GRID2: variants seen among roughly 807,000 people sequenced by gnomAD.
GRID2 encodes glutamate receptor ionotropic, delta-2.
GRID2 carries 33 observed loss-of-function variants against 114.8 expected under a neutral mutation model. The observed-to-expected ratio is 0.29, with a 90% CI of 0.22 to 0.38. The LOEUF (loss-of-function observed/expected upper bound fraction) is 0.38. GRID2 is among the 10% of genes least tolerant of loss of function. GRID2 has a pLI of 1.00. For synonymous variants in GRID2, 505 were observed against 449.9 expected (o/e 1.12, Z -1.55); for missense variants, 1,184 against 1,257.7 (o/e 0.94, Z 0.89).
At chr4:93,311,783 T>C (rs1423713284) in intron 8 of GRID2, among the ~76,000 whole-genome samples, 5 of 152,196 alleles carry the variant, frequency 3.3e-5, no homozygotes, top group Non-Finnish European at 7.3e-5. Flanking sequence ...GGCCAAATGA[T>C]GCTTTGTGTT....
intron 2 of GRID2, among the ~76,000 whole-genome samples, chr4:92,632,487 G>C (rs1188460916): frequency 6.6e-6 from 1 of 151,978 alleles, no homozygotes; most frequent in African/African-American, 2.4e-5. Flanking sequence ...ACAAAAATGA[G>C]CTGGTCATAG....
intron 6 of GRID2, among the ~76,000 whole-genome samples, chr4:93,219,646 T>C (rs776043789): frequency 2.0e-5 from 3 of 152,172 alleles, no homozygotes; most frequent in Non-Finnish European, 4.4e-5. Context: ...GTCCAAAGAC[T>C]GAAACCCAGG....
At chr4:92,835,772 T>C (rs1742409846) in intron 2 of GRID2, among the ~76,000 whole-genome samples, 2 of 152,148 alleles carry the variant, frequency 1.3e-5, no homozygotes, top group Admixed American at 6.6e-5. Flanking sequence ...CATATAAACC[T>C]TAAAAAATTG....
At chr4:92,596,869 A>G (rs951381735) in intron 2 of GRID2, among the ~76,000 whole-genome samples, 1 of 152,080 alleles carries the variant, frequency 6.6e-6, no homozygotes, top group Admixed American at 6.6e-5. Flanking sequence ...AATGGGAGAT[A>G]ACCAAAAAAC....
intron 14 of GRID2, among the ~76,000 whole-genome samples, chr4:93,663,515 T>A (rs1228886728): frequency 1.3e-5 from 2 of 152,060 alleles, no homozygotes; most frequent in Non-Finnish European, 2.9e-5. Context: ...TGTGTGTGTA[T>A]GTGTGTGTGT....
chr4:93,587,270 T>G (rs1232046141), intron 13 of GRID2, among the ~76,000 whole-genome samples: 3 of 152,128 alleles, frequency 2.0e-5, no homozygotes, highest in African/African-American at 7.2e-5. Flanking sequence ...TAAAATGCAG[T>G]TATCTAAATA....
At chr4:92,808,819 G>T (rs573854800) in intron 2 of GRID2, among the ~76,000 whole-genome samples, 2 of 150,548 alleles carry the variant, frequency 1.3e-5, no homozygotes, top group Non-Finnish European at 3.0e-5. Context: ...TTATTCCCAT[G>T]TTGGCTAACA....
chr4:92,902,644 T>C (rs1472565579), intron 2 of GRID2, among the ~76,000 whole-genome samples: 1 of 152,112 alleles, frequency 6.6e-6, no homozygotes, highest in Non-Finnish European at 1.5e-5. Context: ...TTTAAGTCTT[T>C]AATCCATCTT....
intron 9 of GRID2, among the ~76,000 whole-genome samples, chr4:93,416,285 G>C (rs188438277): frequency 1.4e-4 from 21 of 152,050 alleles, no homozygotes. Context: ...TTTCCAAGAA[G>C]AACAGTGGCC....
rs1452352240 is a variant in GRID2 at position 93,515,393 on chromosome 4, C to T, written c.2175C>T (p.Ser725=). The T allele has an allele frequency of 6.2e-7, 1 of 1,610,504 alleles. No individual in the cohort carries two copies. The highest frequency in any genetic ancestry group is 1.3e-5 in the African/African-American group (1 of 74,812). ...SNGSENNVLE[S]QAGIQKVKYG... ...GATCGGAGAACAATGTTCTGGAGTC[C>T]CAGGCAGGCATTCAAAAGGTACTGT... The change falls in exon 13 of 16, where the codon TCC becomes TCT. Residue 725 remains serine (S), a synonymous_variant. Transcript: ENST00000282020.
At chr4:92,345,065 G>A (rs1302226938) in intron 1 of GRID2, among the ~76,000 whole-genome samples, 2 of 152,118 alleles carry the variant, frequency 1.3e-5, no homozygotes, top group Non-Finnish European at 1.5e-5. Context: ...GAGTCCCAAA[G>A]TCCATTATAT....
chr4:93,397,634 A>G (rs567908100), intron 9 of GRID2, among the ~76,000 whole-genome samples: 1 of 152,122 alleles, frequency 6.6e-6, no homozygotes, highest in East Asian at 1.9e-4. Context: ...GTTGATGCAC[A>G]TAGAGAAAAA....
At position 93,560,222 on chromosome 4, in the gene GRID2, T is replaced by TAAAAAAAAAAAAA. The variant is rs70942974; in HGVS notation, c.2193+44830_2193+44842dup. Among the ~76,000 whole-genome samples the TAAAAAAAAAAAAA allele has an allele frequency of 9.7e-3, 417 of 42,960 alleles. 8 individuals carry two copies. The highest frequency in any genetic ancestry group is 0.024 in the East Asian group (16 of 680). 28.2% of individuals were successfully genotyped at this position (42,960 alleles called of 152,430 possible). On this transcript the variant is annotated intron_variant, in intron 13 of 15. Coordinates refer to ENST00000282020, the MANE Select transcript of GRID2 (RefSeq NM_001510.4). ...TACGCATGTATTCCAGAACTTAAAG[T>TAAAAAAAAAAAAA]AAAAAAAAAAAAAAAAAAAAAAAAA... is the stretch of plus-strand genomic sequence containing the variant.
Position 93,467,345 on chromosome 4 carries a change from A to G in GRID2, c.1858+11371A>G, listed in dbSNP as rs140742546. On this transcript the variant is annotated intron_variant, in intron 11 of 15. Transcript: ENST00000282020. ...TTTAATACCGATTTTGCTGAGAACA[A>G]TGACCAAGTTCCTAAATCAGCAACC... Among the ~76,000 whole-genome samples, 843 of 152,334 alleles carry G rather than the reference A, an allele frequency of 5.5e-3. 6 individuals carry two copies. Among genetic ancestry groups the G allele is most frequent in the African/African-American group, 0.019 (806 of 41,582 alleles).
At chr4:92,934,017 A>C (rs1366609028) in intron 2 of GRID2, among the ~76,000 whole-genome samples, 1 of 151,760 alleles carries the variant, frequency 6.6e-6, no homozygotes, top group Middle Eastern at 3.2e-3. Flanking sequence ...TATACACAGC[A>C]AGTTTGTAAA....
chr4:93,226,519 G>A (rs1036155689), intron 7 of GRID2, among the ~76,000 whole-genome samples: 8 of 152,114 alleles, frequency 5.3e-5, no homozygotes, highest in Admixed American at 2.6e-4. Context: ...TTCTGGATAC[G>A]CTGAGACAGG....
intron 8 of GRID2, among the ~76,000 whole-genome samples, chr4:93,249,188 G>A (rs920324329): frequency 1.3e-5 from 2 of 152,100 alleles, no homozygotes; most frequent in East Asian, 1.9e-4. Context: ...CTGTAGTTGT[G>A]TGGTGCTATT....
chr4:93,478,974 T>C (rs1296637446), intron 11 of GRID2, among the ~76,000 whole-genome samples: 1 of 152,046 alleles, frequency 6.6e-6, no homozygotes, highest in Non-Finnish European at 1.5e-5. Flanking sequence ...ACAATTATAT[T>C]AGTCAGATTA....
At chr4:93,288,323 TA>T (rs1753392608) in intron 8 of GRID2, among the ~76,000 whole-genome samples, 2 of 152,178 alleles carry the variant, frequency 1.3e-5, no homozygotes, top group African/African-American at 4.8e-5. Flanking sequence ...AAATTATTAT[TA>T]AACCATGGAC....
Sources: gnomAD v4.1 joint callset for allele counts (sites outside exome capture counted in the v4.1 genomes callset) on GRCh38, gnomAD v4.1.1 for gene constraint, MANE v1.5 for transcripts, NCBI Gene and HGNC (gene_info 2026-07-23, HGNC 2026-07-21) for gene names.